The following AFAP1L2 variants were observed in gnomAD, a reference collection of about 807,000 sequenced individuals.
The protein encoded by AFAP1L2 is actin filament associated protein 1 like 2.
AFAP1L2 carries 46 observed loss-of-function variants against 99.3 expected under a neutral mutation model. The observed-to-expected ratio is 0.46, with a 90% CI of 0.37 to 0.59. AFAP1L2 has a LOEUF of 0.59. Ranked by LOEUF, AFAP1L2 falls within the 20% of genes least tolerant of loss-of-function variation. The probability of loss-of-function intolerance (pLI) is 0.00; values close to 1 mark genes in which losing one functional copy is unlikely to be tolerated. For missense variants in AFAP1L2, 959 were observed against 1,034.9 expected (o/e 0.93, Z 1.01); for synonymous variants, 397 against 419.1 (o/e 0.95, Z 0.64).
intron 1 of AFAP1L2, among the ~76,000 whole-genome samples, chr10:114,399,842 C>A (rs962890095): frequency 6.6e-6 from 1 of 152,192 alleles, no homozygotes; most frequent in Non-Finnish European, 1.5e-5. Context: ...ATTTCCCTCT[C>A]CTCCCCAAGA....
chr10:114,340,497 C>T (rs2048658247), intron 2 of AFAP1L2, 106 bp downstream of exon 2: 4 of 1,424,726 alleles, frequency 2.8e-6, no homozygotes, highest in Non-Finnish European at 3.8e-6. Flanking sequence ...AAATAAGTGT[C>T]ATTTATAGCA....
In AFAP1L2 at chr10:114,366,739, G is replaced by A. The variant is rs534033065; in HGVS notation, c.17-26008C>T. 3.1e-3 allele frequency among the ~76,000 whole-genome samples: 470 copies of A among 152,250 alleles called. 3 individuals are homozygous for A. The highest frequency in any genetic ancestry group is 0.011 in the African/African-American group (441 of 41,554). On this transcript the variant is annotated intron_variant, in intron 1 of 18. Transcript: ENST00000304129. The stretch of plus-strand genomic sequence containing the variant: ...TCCCAGCACTTTGGGAGGCCAAGGC[G>A]GTCAGATCATGAGGTCAGGAGTTCA...
intron 11 of AFAP1L2, among the ~76,000 whole-genome samples, chr10:114,303,691 G>A (rs995128927): frequency 6.6e-5 from 10 of 152,060 alleles, no homozygotes; most frequent in African/African-American, 1.7e-4. Flanking sequence ...GGACAGCTGC[G>A]ACAGCTTCCT....
intron 1 of AFAP1L2, among the ~76,000 whole-genome samples, chr10:114,353,814 C>G (rs2050904197): frequency 6.6e-6 from 1 of 151,800 alleles, no homozygotes; most frequent in Non-Finnish European, 1.5e-5. Flanking sequence ...GGATAGAGGA[C>G]AGTGAAGACA....
At chr10:114,369,569 TG>T (rs1414014377) in intron 1 of AFAP1L2, among the ~76,000 whole-genome samples, 3 of 129,846 alleles carry the variant, frequency 2.3e-5, no homozygotes, top group Non-Finnish European at 4.6e-5. Flanking sequence ...CAGTCCAGCC[TG>T]GGCCACAGAG....
chr10:114,354,301 A>C (rs1394650913), intron 1 of AFAP1L2, among the ~76,000 whole-genome samples: 1 of 152,200 alleles, frequency 6.6e-6, no homozygotes, highest in African/African-American at 2.4e-5. Flanking sequence ...AGCTTCGACT[A>C]ACTTGCTTCT....
At chr10:114,302,611 G>A in intron 11 of AFAP1L2, 127 bp from the exon 12 acceptor site, 2 of 1,176,212 alleles carry the variant, frequency 1.7e-6, no homozygotes, top group Admixed American at 2.4e-5. Flanking sequence ...TAACAGCCCG[G>A]GGCTGTGCTT....
At chr10:114,344,724 G>A (rs1295918128) in intron 1 of AFAP1L2, among the ~76,000 whole-genome samples, 2 of 152,184 alleles carry the variant, frequency 1.3e-5, no homozygotes, top group Non-Finnish European at 2.9e-5. Flanking sequence ...GGCAAACTCT[G>A]AGTTTATCAG....
rs377562276 is a variant in AFAP1L2 at position 114,362,243 on chromosome 10, T to C, written c.17-21512A>G. On this transcript the variant is annotated intron_variant, in intron 1 of 18. Transcript: ENST00000304129. The stretch of plus-strand genomic sequence containing the variant: ...TACATGTTATTACTACCCACTGCAG[T>C]GGGTTGATTTGTGCCCTCCCCAAAA... Among the ~76,000 whole-genome samples the C allele has an allele frequency of 5.3e-5, 8 of 152,272 alleles. No homozygotes were observed. In the South Asian group the frequency reaches 6.2e-4, roughly 12 times the overall value.
At chr10:114,389,652 G>A in intron 1 of AFAP1L2, among the ~76,000 whole-genome samples, 1 of 152,180 alleles carries the variant, frequency 6.6e-6, no homozygotes, top group Non-Finnish European at 1.5e-5. Context: ...TGAAAAGCCA[G>A]CCCTACCACC....
chr10:114,400,486 G>A (rs979325959), intron 1 of AFAP1L2, among the ~76,000 whole-genome samples: 1 of 152,170 alleles, frequency 6.6e-6, no homozygotes, highest in African/African-American at 2.4e-5. Flanking sequence ...CACCACATTT[G>A]AGATCGTTTT....
chr10:114,402,639 G>C (rs1372898612), intron 1 of AFAP1L2, among the ~76,000 whole-genome samples: 2 of 152,290 alleles, frequency 1.3e-5, no homozygotes, highest in East Asian at 1.9e-4. Flanking sequence ...GATCCTCTTC[G>C]AGGGTGGGAG....
chr10:114,366,933 C>T (rs915601136), intron 1 of AFAP1L2, among the ~76,000 whole-genome samples: 1 of 152,156 alleles, frequency 6.6e-6, no homozygotes, highest in Non-Finnish European at 1.5e-5. Context: ...CGACACTGCA[C>T]TCCAGCCTGG....
At chr10:114,345,808 G>A (rs887090641) in intron 1 of AFAP1L2, among the ~76,000 whole-genome samples, 3 of 152,214 alleles carry the variant, frequency 2.0e-5, no homozygotes, top group Admixed American at 1.3e-4. Flanking sequence ...AAGAGAAAGA[G>A]TGGACTGGAG....
chr10:114,354,947 GT>G (rs1433936747), intron 1 of AFAP1L2, among the ~76,000 whole-genome samples: 1 of 152,124 alleles, frequency 6.6e-6, no homozygotes, highest in Non-Finnish European at 1.5e-5. Flanking sequence ...TGAACAAATG[GT>G]GGCTCCATAT....
In AFAP1L2 at chr10:114,327,145, ATT is replaced by A. The variant is rs1237414110; in HGVS notation, c.316-3886_316-3885del. Among the ~76,000 whole-genome samples the A allele has an allele frequency of 3.8e-3, 176 of 46,448 alleles. 9 individuals are homozygous for A. In the South Asian group the frequency reaches 0.061, roughly 16 times the overall value. The allele number at this position is 46,448 out of a possible 152,430, so 30.5% of individuals were successfully genotyped here. On this transcript the variant is annotated intron_variant, in intron 4 of 18. Transcript: ENST00000304129. ...GGTGAAGACCGTGAATTTTATATAT[ATT>A]TATATATATATATATATATATATAT...
intron 12 of AFAP1L2, 36 bp from the exon 13 acceptor site, chr10:114,301,501 CG>C: frequency 6.7e-7 from 1 of 1,501,750 alleles, no homozygotes; most frequent in Non-Finnish European, 9.3e-7. Context: ...ATGAAGCAGC[CG>C]GGGCAGGGTG....
intron 1 of AFAP1L2, among the ~76,000 whole-genome samples, chr10:114,376,637 A>G (rs2054838990): frequency 6.6e-6 from 1 of 152,212 alleles, no homozygotes; most frequent in Non-Finnish European, 1.5e-5. Context: ...GCAATTACCT[A>G]ACTCAAAAGC....
At chr10:114,329,892 T>C (rs1388846292) in intron 4 of AFAP1L2, among the ~76,000 whole-genome samples, 1 of 152,172 alleles carries the variant, frequency 6.6e-6, no homozygotes, top group Admixed American at 6.5e-5. Flanking sequence ...TTTTTAACTC[T>C]GAGTCTGTTT....
Sources: gnomAD v4.1 joint callset for allele counts (sites outside exome capture counted in the v4.1 genomes callset) on GRCh38, gnomAD v4.1.1 for gene constraint, MANE v1.5 for transcripts, NCBI Gene and HGNC (gene_info 2026-07-23, HGNC 2026-07-21) for gene names.